The following INO80D variants were observed in gnomAD, a reference collection of about 807,000 sequenced individuals.
INO80D encodes INO80 complex subunit D.
Under a neutral mutation model 87.6 loss-of-function variants are expected in INO80D, and 21 were observed. The ratio of observed to expected loss-of-function variants is 0.24; its 90% confidence interval spans 0.17 to 0.35. The LOEUF (loss-of-function observed/expected upper bound fraction) is 0.35, where lower values mean the gene tolerates loss of function less well. INO80D is among the 10% of genes least tolerant of loss of function. The pLI is 1.00. For synonymous variants in INO80D, 440 were observed against 491.0 expected (o/e 0.90, Z 1.37); for missense variants, 982 against 1,280.7 (o/e 0.77, Z 3.56).
chr2:206,060,956 G>A (rs1297342357), intron 3 of INO80D, among the ~76,000 whole-genome samples: 2 of 152,102 alleles, frequency 1.3e-5, no homozygotes, highest in African/African-American at 4.8e-5. Context: ...AAAGACAAAG[G>A]TGTATACAGA....
At chr2:206,027,618 C>T (rs1326447495) in intron 6 of INO80D, among the ~76,000 whole-genome samples, 1 of 152,062 alleles carries the variant, frequency 6.6e-6, no homozygotes, top group Non-Finnish European at 1.5e-5. Flanking sequence ...GTGGGAGGGT[C>T]ATTTGAGCCC....
intron 4 of INO80D, among the ~76,000 whole-genome samples, chr2:206,054,360 T>C (rs1396648273): frequency 6.6e-6 from 1 of 152,016 alleles, no homozygotes; most frequent in African/African-American, 2.4e-5. Flanking sequence ...TGAACAATAA[T>C]TTAGTCAAGG....
At chr2:206,058,418 CAAAAAAAAAAAA>C (rs59790218) in intron 3 of INO80D, among the ~76,000 whole-genome samples, 89,690 of 126,290 alleles carry the variant, frequency 0.71, 30,031 homozygotes, top group South Asian at 0.78. Flanking sequence ...GACTCTGTCT[CAAAAAAAAAAAA>C]AAAAAAAAAA....
rs552884441 is a variant in INO80D at position 206,025,850 on chromosome 2, CA to C, written c.1298+2260del. 1.7e-3 allele frequency among the ~76,000 whole-genome samples: 260 copies of C among 151,890 alleles called. 3 individuals carry two copies. Among genetic ancestry groups the C allele is most frequent in the Middle Eastern group, 0.017 (5 of 294 alleles). On this transcript the variant is annotated intron_variant, in intron 6 of 10. Transcript: ENST00000403263. The stretch of plus-strand genomic sequence containing the variant: ...GACTGAGACCTTGTCTGAACGACAA[CA>C]AAAAGAATCAGAATTTGAACTCTAT...
intron 1 of INO80D, among the ~76,000 whole-genome samples, chr2:206,064,203 CAG>C (rs1689757552): frequency 6.6e-6 from 1 of 152,258 alleles, no homozygotes; most frequent in Admixed American, 6.5e-5. Flanking sequence ...TGAGTCTTTT[CAG>C]AGTCAGTGAG....
chr2:206,048,005 C>T lies in INO80D; in HGVS notation c.965-1393G>A, dbSNP rs549283633. Among the ~76,000 whole-genome samples the T allele has an allele frequency of 3.6e-4, 55 of 152,072 alleles. No individual in the cohort carries two copies. The South Asian group carries it at 9.8e-3, about 27-fold the overall frequency. On this transcript the variant is annotated intron_variant, in intron 4 of 10. Transcript: ENST00000403263. ...AGCTGGGACTACAGGCACCCGCCACCGCGCCTGGCTAATTTTTTTTTTTGT... is the reference window on the plus strand; with the variant it reads ...AGCTGGGACTACAGGCACCCGCCACTGCGCCTGGCTAATTTTTTTTTTTGT...
chr2:206,032,048 T>A (rs1470236095), intron 5 of INO80D, among the ~76,000 whole-genome samples: 1 of 152,018 alleles, frequency 6.6e-6, no homozygotes, highest in African/African-American at 2.4e-5. Context: ...GCTCACTGGG[T>A]CCCCAAGCAG....
intron 1 of INO80D, among the ~76,000 whole-genome samples, chr2:206,075,708 G>A (rs998667681): frequency 4.6e-5 from 7 of 151,478 alleles, no homozygotes; most frequent in African/African-American, 1.7e-4. Context: ...AAAGTGCTGG[G>A]ATTACAGGAA....
chr2:206,016,998 C>G (rs1425625330), intron 8 of INO80D, among the ~76,000 whole-genome samples: 1 of 152,122 alleles, frequency 6.6e-6, no homozygotes, highest in East Asian at 1.9e-4. Flanking sequence ...ACTAATACAC[C>G]AGTGAATCAC....
At chr2:206,039,639 C>T (rs2105852384) in intron 5 of INO80D, among the ~76,000 whole-genome samples, 1 of 150,614 alleles carries the variant, frequency 6.6e-6, no homozygotes, top group Non-Finnish European at 1.5e-5. Flanking sequence ...GTAGAAAGCC[C>T]CTCTCTACTA....
chr2:206,046,353 A>ATGG (rs546821660), intron 5 of INO80D, 151 bp downstream of exon 5: 7 of 585,708 alleles, frequency 1.2e-5, no homozygotes, highest in Non-Finnish European at 2.1e-5. Context: ...CCTGGCCAAC[A>ATGG]TGGTGAAACC....
At chr2:206,064,092 C>G (rs1689753904) in intron 1 of INO80D, among the ~76,000 whole-genome samples, 1 of 152,122 alleles carries the variant, frequency 6.6e-6, no homozygotes. Context: ...ACTTCTCAGG[C>G]CCAAAGACTA....
In INO80D at chr2:206,004,985, A is replaced by C; in HGVS notation, c.2467T>G (p.Ser823Ala). The change falls in exon 11 of 11, where the codon TCC becomes GCC. Residue 823 changes from serine (S) to alanine (A), a missense_variant. Physicochemically the swap from Ser to Ala is moderately conservative, Grantham distance 99. Transcript: ENST00000403263. This position sits in a 1 kb window ranked among gnomAD's most constrained non-coding sequence, Gnocchi z 4.9. Reference protein sequence around the residue: ...RQQYSSDHSHSSPHGSHYDSE... With the variant: ...RQQYSSDHSHASPHGSHYDSE... ...TCATAATGGCTTCCATGGGGTGAGG[A>C]GTGTGAGTGATCACTGCTGTATTGC... 1.2e-6 allele frequency: 2 copies of C among 1,613,882 alleles called. No individual in the cohort carries two copies. The highest frequency in any genetic ancestry group is 1.7e-6 in the Non-Finnish European group (2 of 1,179,862).
At chr2:206,028,410 G>T in intron 5 of INO80D, 75 bp from the exon 6 acceptor site, 1 of 1,206,596 alleles carries the variant, frequency 8.3e-7, no homozygotes, top group Non-Finnish European at 1.2e-6. Context: ...ACGAGAATTA[G>T]GAAATGTAGC....
rs1165217451 is a variant in INO80D, at chr2:206,002,148, A to G, written c.*2220T>C. On this transcript the variant is annotated 3_prime_UTR_variant, in exon 11 of 11. Transcript: ENST00000403263. The stretch of plus-strand genomic sequence containing the variant: ...AACCTTTAAATACACAATGGAGACT[A>G]AACTGAACTGCTGGGAATGGACAGT... 6.6e-6 allele frequency: 1 copy of G among 152,198 alleles called. No homozygotes were observed. Among genetic ancestry groups the G allele is most frequent in the East Asian group, 1.9e-4 (1 of 5,204 alleles). 9.4% of individuals were successfully genotyped at this position (152,198 alleles called of 1,614,324 possible).
At chr2:206,055,569 G>C (rs978113206) in intron 4 of INO80D, among the ~76,000 whole-genome samples, 2 of 152,054 alleles carry the variant, frequency 1.3e-5, no homozygotes, top group Non-Finnish European at 2.9e-5. Flanking sequence ...ACTCATAAAA[G>C]CATACAACCA....
chr2:206,028,368 A>G (rs1688673201), intron 5 of INO80D, 33 bp from the exon 6 acceptor site: 1 of 1,501,364 alleles, frequency 6.7e-7, no homozygotes. Context: ...GGAAAAACTG[A>G]TTACACATTA....
intron 8 of INO80D, among the ~76,000 whole-genome samples, chr2:206,013,312 G>A (rs1234809333): frequency 6.6e-6 from 1 of 152,254 alleles, no homozygotes; most frequent in African/African-American, 2.4e-5. Context: ...CCAGCACTTT[G>A]GGAGGCCAAG....
rs115849987 is a variant in INO80D, at chr2:206,074,183, C to T, written c.-123-10939G>A. 3.7e-3 allele frequency among the ~76,000 whole-genome samples: 569 copies of T among 152,242 alleles called. 3 individuals carry two copies. The highest frequency in any genetic ancestry group is 0.013 in the African/African-American group (536 of 41,536). On this transcript the variant is annotated intron_variant, in intron 1 of 10. Transcript: ENST00000403263. ...GGAGAGAATGCAGGTAATTAAAGCA[C>T]TTTAGAGCAGCAGCAGAATATACAC... is the stretch of plus-strand genomic sequence containing the variant.
Sources: allele counts gnomAD v4.1 joint callset (sites outside exome capture counted in the v4.1 genomes callset), GRCh38; gene constraint gnomAD v4.1.1; non-coding constraint Gnocchi (gnomAD v3.1); transcripts MANE v1.5; gene names NCBI Gene and HGNC (gene_info 2026-07-23, HGNC 2026-07-21).